The following FOXJ3 variants were observed in gnomAD, a reference collection of about 807,000 sequenced individuals.
FOXJ3 encodes the protein forkhead box J3, also known as forkhead box protein J3.
A neutral mutation model predicts 76.1 loss-of-function variants in FOXJ3; 22 were observed. The ratio of observed to expected loss-of-function variants is 0.29; its 90% CI spans 0.21 to 0.41. FOXJ3 has a LOEUF of 0.41. FOXJ3 is among the 10% of genes least tolerant of loss of function. The pLI is 1.00. For missense variants in FOXJ3, 613 were observed against 762.1 expected, an observed-to-expected ratio of 0.80 and a Z score of 2.30; for synonymous variants, 269 against 261.2, an observed-to-expected ratio of 1.03 and a Z score of -0.29.
intron 5 of FOXJ3, among the ~76,000 whole-genome samples, chr1:42,214,342 T>TA (rs1229960305): frequency 6.6e-6 from 1 of 152,180 alleles, no homozygotes; most frequent in Non-Finnish European, 1.5e-5. Context: ...GTCTGATCGG[T>TA]AAAGCCAATA....
At chr1:42,214,648 C>G (rs575226723) in intron 5 of FOXJ3, among the ~76,000 whole-genome samples, 1 of 152,248 alleles carries the variant, frequency 6.6e-6, no homozygotes, top group East Asian at 1.9e-4. Flanking sequence ...TAAGTCAAAA[C>G]TTGGGAAGAA....
intron 2 of FOXJ3, among the ~76,000 whole-genome samples, chr1:42,309,585 A>G (rs1003316617): frequency 6.6e-6 from 1 of 152,200 alleles, no homozygotes; most frequent in Admixed American, 6.5e-5. Context: ...CAAAATATAA[A>G]TTCCATGATT....
chr1:42,303,224 C>T (rs1166282368), intron 2 of FOXJ3, among the ~76,000 whole-genome samples: 1 of 152,112 alleles, frequency 6.6e-6, no homozygotes, highest in African/African-American at 2.4e-5. Flanking sequence ...CAGCTCTATC[C>T]CTAATTACCT....
chr1:42,203,752 T>C (rs1646806666), intron 6 of FOXJ3, among the ~76,000 whole-genome samples: 1 of 152,038 alleles, frequency 6.6e-6, no homozygotes, highest in Non-Finnish European at 1.5e-5. Context: ...TCCCAGCACT[T>C]TGGGAGGCCA....
Position 42,327,755 on chromosome 1 carries a change from T to C in FOXJ3, c.-18+7304A>G, listed in dbSNP as rs3768260. 1.2e-3 allele frequency among the ~76,000 whole-genome samples: 182 copies of C among 152,246 alleles called. 4 individuals are homozygous for C. The East Asian group carries it at 0.028, about 23-fold the overall frequency. On this transcript the variant is annotated intron_variant, in intron 1 of 12. Transcript: ENST00000361346. Reference sequence around the variant, plus strand: ...ATAAGGTCACACTGGCACCACACTCTACCAATCAATCAGAAGATCAATCTT... The same window carrying C: ...ATAAGGTCACACTGGCACCACACTCCACCAATCAATCAGAAGATCAATCTT...
At chr1:42,329,312 C>A (rs974726370) in intron 1 of FOXJ3, among the ~76,000 whole-genome samples, 2 of 152,224 alleles carry the variant, frequency 1.3e-5, no homozygotes, top group Admixed American at 6.5e-5. Flanking sequence ...AAATCCTGTA[C>A]AGCAGATGCC....
chr1:42,179,708 C>G lies in FOXJ3; in HGVS notation c.*2G>C, dbSNP rs766270790. On this transcript the variant is annotated 3_prime_UTR_variant, in exon 13 of 13. Coordinates refer to ENST00000361346, the MANE Select transcript of FOXJ3 (RefSeq NM_014947.5). The stretch of plus-strand genomic sequence containing the variant: ...GGGTCTGGTGTCTTGCAGAAACAAG[C>G]CCTACACAATTGAATCCCAATCAAA... The G allele has an allele frequency of 6.3e-7, 1 of 1,575,482 alleles. No individual in the cohort carries two copies. The highest frequency in any genetic ancestry group is 1.1e-5 in the South Asian group (1 of 90,272).
chr1:42,222,131 G>A (rs1444139473), intron 5 of FOXJ3, among the ~76,000 whole-genome samples: 2 of 148,240 alleles, frequency 1.3e-5, no homozygotes, highest in Non-Finnish European at 3.0e-5. Flanking sequence ...GAAAAATAAG[G>A]AATTACTGTC....
chr1:42,247,847 A>C (rs940870787), intron 4 of FOXJ3, among the ~76,000 whole-genome samples: 1 of 152,232 alleles, frequency 6.6e-6, no homozygotes, highest in Non-Finnish European at 1.5e-5. Flanking sequence ...AAGTACAAAC[A>C]ATCTAAATGT....
chr1:42,246,740 C>T (rs1208152917), intron 4 of FOXJ3, among the ~76,000 whole-genome samples: 1 of 151,920 alleles, frequency 6.6e-6, no homozygotes, highest in African/African-American at 2.4e-5. Flanking sequence ...TACCTGCAAC[C>T]CCATGTTTAC....
At chr1:42,286,384 A>G (rs1653054954) in intron 2 of FOXJ3, among the ~76,000 whole-genome samples, 1 of 152,344 alleles carries the variant, frequency 6.6e-6, no homozygotes, top group Non-Finnish European at 1.5e-5. Context: ...CTCTGGAGCA[A>G]GACTGCCTGG....
intron 8 of FOXJ3, among the ~76,000 whole-genome samples, 184 bp downstream of exon 8, chr1:42,194,706 T>C (rs1252055140): frequency 6.6e-6 from 1 of 152,206 alleles, no homozygotes; most frequent in African/African-American, 2.4e-5. Context: ...AAAATTTATC[T>C]GCCATTTTTG....
chr1:42,290,995 T>C (rs1369802460), intron 2 of FOXJ3, among the ~76,000 whole-genome samples: 1 of 151,418 alleles, frequency 6.6e-6, no homozygotes, highest in Non-Finnish European at 1.5e-5. Context: ...CAGACATAGA[T>C]CAACAGAACA....
rs77908734 is a variant in FOXJ3 at position 42,193,831 on chromosome 1, A to G, written c.934+1059T>C. 5.3e-5 allele frequency among the ~76,000 whole-genome samples: 8 copies of G among 152,310 alleles called. No homozygotes were observed. In the East Asian group the frequency reaches 1.5e-3, roughly 29 times the overall value. ...TTCGTATGTTGGAACTTCAACCCCC[A>G]GGTGATGGTATTAAGAAGTGGGACC... is the stretch of plus-strand genomic sequence containing the variant. On this transcript the variant is annotated intron_variant, in intron 8 of 12. Coordinates refer to ENST00000361346, the MANE Select transcript of FOXJ3 (RefSeq NM_014947.5).
intron 2 of FOXJ3, among the ~76,000 whole-genome samples, chr1:42,282,412 C>G (rs912094209): frequency 2.6e-5 from 4 of 152,160 alleles, no homozygotes; most frequent in Non-Finnish European, 5.9e-5. Flanking sequence ...CATCTAAATT[C>G]CTCATTTTCA....
At chr1:42,328,929 G>C (rs1290511337) in intron 1 of FOXJ3, among the ~76,000 whole-genome samples, 1 of 152,028 alleles carries the variant, frequency 6.6e-6, no homozygotes. Flanking sequence ...GGCCTCCCAA[G>C]ATGCTAGGTT....
intron 1 of FOXJ3, among the ~76,000 whole-genome samples, chr1:42,325,472 T>C (rs1655773588): frequency 1.3e-5 from 2 of 152,220 alleles, no homozygotes; most frequent in Admixed American, 1.3e-4. Flanking sequence ...TAGTCTTTGC[T>C]GGCAGGGACC....
chr1:42,264,774 T>C (rs536201253), intron 4 of FOXJ3, among the ~76,000 whole-genome samples: 1 of 152,188 alleles, frequency 6.6e-6, no homozygotes. Context: ...AGTGTAAGAA[T>C]ACTTCCACTT....
chr1:42,198,036 C>A (rs1646686557), intron 7 of FOXJ3, among the ~76,000 whole-genome samples: 1 of 152,022 alleles, frequency 6.6e-6, no homozygotes, highest in African/African-American at 2.4e-5. Flanking sequence ...GTGGAACCTA[C>A]AGATACGGAG....
Sources: gnomAD v4.1 joint callset for allele counts (sites outside exome capture counted in the v4.1 genomes callset) on GRCh38, gnomAD v4.1.1 for gene constraint, MANE v1.5 for transcripts, NCBI Gene and HGNC (gene_info 2026-07-23, HGNC 2026-07-21) for gene names.